The following P2RX4 variants were observed in gnomAD, a reference collection of about 807,000 sequenced individuals.
The protein encoded by P2RX4 is purinergic receptor P2X 4, also known as P2X purinoceptor 4.
A neutral mutation model predicts 48.0 loss-of-function variants in P2RX4; 37 were observed. The observed-to-expected ratio is 0.77, with a 90% CI of 0.59 to 1.01. The LOEUF is 1.01. Among genes scored for constraint, P2RX4 ranks in the 50% least tolerant of loss-of-function variants. The probability of loss-of-function intolerance (pLI) is 0.00; values close to 1 mark genes in which losing one functional copy is unlikely to be tolerated. For missense variants in P2RX4, 501 were observed against 521.4 expected, an observed-to-expected ratio of 0.96 and a Z score of 0.38; for synonymous variants, 200 against 199.7, an observed-to-expected ratio of 1.00 and a Z score of -0.01.
In P2RX4 at chr12:121,232,732, G is replaced by A. The variant is rs573066024; in HGVS notation, c.1044+56G>A. 1.4e-6 allele frequency: 2 copies of A among 1,411,460 alleles called. No individual in the cohort carries two copies. The highest frequency in any genetic ancestry group is 2.8e-5 in the African/African-American group (2 of 71,086). The allele number at this position is 1,411,460 out of a possible 1,614,324, so 87.4% of individuals were successfully genotyped here. On this transcript the variant is annotated intron_variant, in intron 10 of 11. Transcript: ENST00000337233. The surrounding 1 kb of genome is among the most constrained non-coding windows in gnomAD (Gnocchi z 4.3). The stretch of plus-strand genomic sequence containing the variant: ...ACGGTGAGGTGAGACCCTGGGCTGG[G>A]GTCCTGGTCCTGGCCCTAGGCCCTA...
chr12:121,232,489 C>T lies in P2RX4; in HGVS notation c.960C>T (p.Asp320=). 6.2e-7 allele frequency: 1 copy of T among 1,614,112 alleles called. No individual in the cohort carries two copies. The highest frequency in any genetic ancestry group is 8.5e-7 in the Non-Finnish European group (1 of 1,179,930). Residue 320 remains aspartate, a synonymous_variant, in exon 9 of 12, where the codon GAC becomes GAT. Coordinates refer to ENST00000337233, the MANE Select transcript of P2RX4 (RefSeq NM_002560.3). The surrounding 1 kb of genome is among the most constrained non-coding windows in gnomAD (Gnocchi z 4.3). ...TCAAGGCCTATGGCATCCGCTTCGA[C>T]ATCATTGTGTTTGGGAAGGTAGCTC... ...TLIKAYGIRF[D]IIVFGKAGKF...
intron 4 of P2RX4, chr12:121,222,722 T>A: frequency 1.8e-6 from 2 of 1,085,512 alleles, no homozygotes; most frequent in East Asian, 5.7e-5. Flanking sequence ...TCTTGTCCCA[T>A]TCTTTAGCTT....
At chr12:121,218,175 G>A (rs776611634) in intron 2 of P2RX4, among the ~76,000 whole-genome samples, 6 of 152,058 alleles carry the variant, frequency 3.9e-5, no homozygotes, top group South Asian at 2.1e-4. Flanking sequence ...AGAGGAGACC[G>A]AGCTAATGAG....
intron 2 of P2RX4, 128 bp downstream of exon 2, chr12:121,217,409 C>A: frequency 1.0e-6 from 1 of 964,394 alleles, no homozygotes; most frequent in Non-Finnish European, 1.6e-6. Context: ...TGTTTTAGTC[C>A]AAGAAAACGG....
chr12:121,224,792 T>A (rs1886875707), intron 5 of P2RX4, among the ~76,000 whole-genome samples: 1 of 143,998 alleles, frequency 6.9e-6, no homozygotes, highest in South Asian at 2.2e-4. Context: ...CAGACCGAGG[T>A]CTCCATGAGC....
chr12:121,222,243 A>G, intron 4 of P2RX4, 77 bp downstream of exon 4: 2 of 1,025,426 alleles, frequency 2.0e-6, no homozygotes, highest in East Asian at 2.4e-5. Flanking sequence ...TGATAGAGAA[A>G]TCTTCCCAAT....
intron 5 of P2RX4, 119 bp from the exon 6 acceptor site, chr12:121,228,414 A>C: frequency 2.3e-6 from 1 of 427,318 alleles, no homozygotes; most frequent in Non-Finnish European, 4.2e-6. Flanking sequence ...ATACACACAC[A>C]CACACACAGA....
rs762267351 is a variant in P2RX4, at chr12:121,210,293, C to T, written c.129C>T (p.Val43=). 2.8e-5 allele frequency: 43 copies of T among 1,543,350 alleles called. No individual in the cohort carries two copies. The highest frequency in any genetic ancestry group is 3.7e-5 in the Non-Finnish European group (42 of 1,149,456). The change falls in exon 1 of 12, where the codon GTC becomes GTT. Residue 43 remains valine, a synonymous_variant. Transcript: ENST00000337233. ...TGCAACTGCTCATCCTGGCCTACGT[C>T]ATCGGGTGAGCGTGGGGCCGCGCGG... ...RAVQLLILAY[V]IGWVFVWEKG...
At chr12:121,214,411 C>T (rs966572091) in intron 1 of P2RX4, 5 of 151,744 alleles carry the variant, frequency 3.3e-5, no homozygotes, top group African/African-American at 1.2e-4. Flanking sequence ...TTTGATGCAA[C>T]TCATCTTAGT....
At chr12:121,231,846 A>T (rs184431882) in intron 8 of P2RX4, among the ~76,000 whole-genome samples, 2 of 152,102 alleles carry the variant, frequency 1.3e-5, no homozygotes, top group African/African-American at 4.8e-5. Context: ...TCTACTAAAA[A>T]ATCCAAAAAT....
chr12:121,230,513 T>A (rs746076787), intron 8 of P2RX4, among the ~76,000 whole-genome samples: 8 of 151,918 alleles, frequency 5.3e-5, no homozygotes, highest in Admixed American at 1.3e-4. Context: ...CCTCTGTAAT[T>A]GTGGGATCTG....
intron 1 of P2RX4, chr12:121,212,814 A>ATTTTTTTTTTTTTT (rs1187859501): frequency 2.2e-4 from 7 of 31,460 alleles, no homozygotes; most frequent in African/African-American, 9.9e-4. Context: ...ATATATATAT[A>ATTTTTTTTTTTTTT]TATATATATA....
intron 11 of P2RX4, 148 bp downstream of exon 11, chr12:121,233,240 T>C: frequency 1.5e-6 from 1 of 661,002 alleles, no homozygotes; most frequent in Non-Finnish European, 2.7e-6. Context: ...GTCCTGCCAC[T>C]CTCAGCAGCT....
At position 121,233,917 on chromosome 12, in the gene P2RX4, C is replaced by T. The variant is rs771645647; in HGVS notation, c.*368C>T. On this transcript the variant is annotated 3_prime_UTR_variant, in exon 12 of 12. Coordinates refer to ENST00000337233, the MANE Select transcript of P2RX4 (RefSeq NM_002560.3). ...ACAGGCCCAGTCCTCTGAGGCACGG[C>T]GGCTCTGTTCAAGCACTTTATGCGG... The T allele has an allele frequency of 4.1e-5, 12 of 295,588 alleles. No individual in the cohort carries two copies. The highest frequency in any genetic ancestry group is 2.8e-4 in the East Asian group (4 of 14,164). The allele number at this position is 295,588 out of a possible 1,614,324, so 18.3% of individuals were successfully genotyped here. A position where few individuals can be genotyped will look rare whatever the true frequency, so the allele number is the denominator to read the frequency against.
rs1461392762 is a variant in P2RX4 at position 121,229,624 on chromosome 12, CA to C, written c.884+528del. ...CTGGGGCAGATGTAAGCGAGTCCCA[CA>C]AACAGTGGCTTGCAACTACAGGACT... On this transcript the variant is annotated intron_variant, in intron 8 of 11. Transcript: ENST00000337233. This position sits in a 1 kb window ranked among gnomAD's most constrained non-coding sequence, Gnocchi z 4.6. Among the ~76,000 whole-genome samples the C allele has an allele frequency of 6.6e-6, 1 of 152,082 alleles. No individual in the cohort carries two copies. The highest frequency in any genetic ancestry group is 1.5e-5 in the Non-Finnish European group (1 of 68,028).
intron 8 of P2RX4, among the ~76,000 whole-genome samples, chr12:121,230,875 C>T (rs903483189): frequency 2.0e-5 from 3 of 151,426 alleles, no homozygotes; most frequent in Non-Finnish European, 4.4e-5. Flanking sequence ...CCTGCTCATG[C>T]GTGTGCGCTC....
In P2RX4 at chr12:121,232,844, AC is replaced by A; in HGVS notation, c.1045-147del. 4.7e-6 allele frequency: 4 copies of A among 852,186 alleles called. No homozygotes were observed. Among genetic ancestry groups the A allele is most frequent in the Non-Finnish European group, 8.0e-6 (4 of 500,936 alleles). The allele number at this position is 852,186 out of a possible 1,614,324, so 52.8% of individuals were successfully genotyped here. ...CTCCCACCTTCCCTTCTCCAAGACC[AC>A]CCCCCTCAGGTCCCAGCCTTCTCCC... On this transcript the variant is annotated intron_variant, in intron 10 of 11. Transcript: ENST00000337233. The surrounding 1 kb of genome is among the most constrained non-coding windows in gnomAD (Gnocchi z 4.3).
At chr12:121,217,867 C>T (rs1053985755) in intron 2 of P2RX4, among the ~76,000 whole-genome samples, 16 of 151,876 alleles carry the variant, frequency 1.1e-4, no homozygotes, top group African/African-American at 4.8e-5. Flanking sequence ...CCATCGGGAG[C>T]GAAAGGAAGG....
rs1292587524 is a variant in P2RX4, at chr12:121,232,243, C to G, written c.885-171C>G. 1.6e-6 allele frequency: 1 copy of G among 611,978 alleles called. No homozygotes were observed. The highest frequency in any genetic ancestry group is 2.7e-5 in the East Asian group (1 of 36,558). The allele number at this position is 611,978 out of a possible 1,614,324, so 37.9% of individuals were successfully genotyped here. Reference sequence around the variant, plus strand: ...CCCCTGTACCTCGTGGGCCCCGCATCCTCCTGCTTGCACAGCCCGCCTCAG... The same window carrying G: ...CCCCTGTACCTCGTGGGCCCCGCATGCTCCTGCTTGCACAGCCCGCCTCAG... On this transcript the variant is annotated intron_variant, in intron 8 of 11. Coordinates refer to ENST00000337233, the MANE Select transcript of P2RX4 (RefSeq NM_002560.3). The surrounding 1 kb of genome is among the most constrained non-coding windows in gnomAD (Gnocchi z 4.3).
Sources: allele counts gnomAD v4.1 joint callset (sites outside exome capture counted in the v4.1 genomes callset), GRCh38; gene constraint gnomAD v4.1.1; non-coding constraint Gnocchi (gnomAD v3.1); transcripts MANE v1.5; gene names NCBI Gene and HGNC (gene_info 2026-07-23, HGNC 2026-07-21).